SYT13: variants seen among roughly 807,000 people sequenced by gnomAD.
SYT13 encodes synaptotagmin 13.
A neutral mutation model predicts 38.6 loss-of-function variants in SYT13; 21 were observed. The observed-to-expected ratio is 0.54, with a 90% CI of 0.39 to 0.78. The LOEUF (loss-of-function observed/expected upper bound fraction) is 0.78. Among genes scored for constraint, SYT13 ranks in the 30% least tolerant of loss-of-function variants. SYT13 has a pLI of 0.00. For missense variants in SYT13, 495 were observed against 548.7 expected, an observed-to-expected ratio of 0.90 and a Z score of 0.98; for synonymous variants, 241 against 237.6, an observed-to-expected ratio of 1.01 and a Z score of -0.13.
Position 45,242,668 on chromosome 11 carries a change from T to A in SYT13, c.*1384A>T, listed in dbSNP as rs191986394. 1 of 152,178 alleles carries A rather than the reference T, an allele frequency of 6.6e-6. No homozygotes were observed. Among genetic ancestry groups the A allele is most frequent in the Admixed American group, 6.5e-5 (1 of 15,274 alleles). 9.4% of individuals were successfully genotyped at this position (152,178 alleles called of 1,614,324 possible). A position where few individuals can be genotyped will look rare whatever the true frequency, so the allele number is the denominator to read the frequency against. ...GAGAGTGCCTACAGGTTTTGAACACTATTTCATCTAGTATATCATTCATTG... is the reference window on the plus strand; with the variant it reads ...GAGAGTGCCTACAGGTTTTGAACACAATTTCATCTAGTATATCATTCATTG... On this transcript the variant is annotated 3_prime_UTR_variant, in exon 6 of 6. Coordinates refer to ENST00000020926, the MANE Select transcript of SYT13 (RefSeq NM_020826.3).
intron 1 of SYT13, among the ~76,000 whole-genome samples, chr11:45,266,199 G>T (rs550355967): frequency 3.0e-4 from 46 of 152,240 alleles, no homozygotes; most frequent in African/African-American, 1.1e-3. Context: ...CCAGAACTTG[G>T]CTGTGGACCT....
At chr11:45,268,296 T>C (rs542239697) in intron 1 of SYT13, among the ~76,000 whole-genome samples, 1 of 145,608 alleles carries the variant, frequency 6.9e-6, no homozygotes, top group South Asian at 2.1e-4. Flanking sequence ...TCCAGTGGGG[T>C]AGACAGCAAG....
intron 1 of SYT13, among the ~76,000 whole-genome samples, chr11:45,270,213 A>G (rs111433465): frequency 2.8e-4 from 42 of 152,360 alleles, no homozygotes; most frequent in Middle Eastern, 3.4e-3. Flanking sequence ...GAGTCTGTGT[A>G]TAGAAGCATC....
At position 45,254,301 on chromosome 11, in the gene SYT13, C is replaced by T. The variant is rs1854715288; in HGVS notation, c.513G>A (p.Gln171=). The change falls in exon 3 of 6, where the codon CAG becomes CAA. Residue 171 remains glutamine, a synonymous_variant. Coordinates refer to ENST00000020926, the MANE Select transcript of SYT13 (RefSeq NM_020826.3). ...KLHYCLDYDC[Q]KAELFVTRLE... is the part of the protein sequence containing the mutation. ...GGCGAGTCACAAACAATTCTGCCTT[C>T]TGACAGTCATAGTCCAGGCAGTAGT... 2 of 1,613,214 alleles carry T rather than the reference C, an allele frequency of 1.2e-6. No homozygotes were observed. Among genetic ancestry groups the T allele is most frequent in the Non-Finnish European group, 1.7e-6 (2 of 1,179,688 alleles).
intron 1 of SYT13, among the ~76,000 whole-genome samples, chr11:45,280,199 C>T (rs934267560): frequency 3.9e-5 from 6 of 152,124 alleles, no homozygotes; most frequent in South Asian, 4.1e-4. Context: ...TCAGAGAAGG[C>T]GTTGCTCTAG....
At chr11:45,280,646 C>T (rs1855060832) in intron 1 of SYT13, among the ~76,000 whole-genome samples, 1 of 152,206 alleles carries the variant, frequency 6.6e-6, no homozygotes, top group South Asian at 2.1e-4. Context: ...CTACCCGCTG[C>T]AGTCATTTCC....
At position 45,255,808 on chromosome 11, in the gene SYT13, C is replaced by T; in HGVS notation, c.267G>A (p.Val89=). ...FPDIYGPRPA[V]TAPEVINYAD... ...CATAGTTGATGACCTCTGGAGCCGT[C>T]ACAGCTGGCCTGGGTCCATAGATGT... Residue 89 remains valine, a synonymous_variant, in exon 2 of 6, where the codon GTG becomes GTA. Coordinates refer to ENST00000020926, the MANE Select transcript of SYT13 (RefSeq NM_020826.3). 1 of 1,614,178 alleles carries T rather than the reference C, an allele frequency of 6.2e-7. No homozygotes were observed. Among genetic ancestry groups the T allele is most frequent in the Non-Finnish European group, 8.5e-7 (1 of 1,180,046 alleles).
Position 45,252,650 on chromosome 11 carries a change from A to G in SYT13, c.617T>C (p.Val206Ala). 1.2e-6 allele frequency: 2 copies of G among 1,613,184 alleles called. No individual in the cohort carries two copies. Reference protein sequence around the residue: ...QGSVANRTGSVEAQTALKKRQ... With the variant: ...QGSVANRTGSAEAQTALKKRQ... Reference sequence around the variant, plus strand: ...CTTCTTTAGGGCTGTCTGAGCCTCCACAGAGCCGGTCCTATTGGCCACACT... The same window carrying G: ...CTTCTTTAGGGCTGTCTGAGCCTCCGCAGAGCCGGTCCTATTGGCCACACT... Residue 206 changes from valine to alanine, a missense_variant, in exon 4 of 6, where the codon GTG (valine) becomes GCG (alanine). Val to Ala is a moderately conservative substitution (Grantham distance 64). Transcript: ENST00000020926. This position sits in a 1 kb window ranked among gnomAD's most constrained non-coding sequence, Gnocchi z 4.3.
rs1855136005 is a variant in SYT13 at position 45,286,292 on chromosome 11, C to T, written c.-85G>A. The T allele has an allele frequency of 1.4e-6, 2 of 1,412,082 alleles. No homozygotes were observed. Among genetic ancestry groups the T allele is most frequent in the East Asian group, 2.7e-5 (1 of 37,406 alleles). 87.5% of individuals were successfully genotyped at this position (1,412,082 alleles called of 1,614,324 possible). A position where few individuals can be genotyped will look rare whatever the true frequency, so the allele number is the denominator to read the frequency against. ...CCGCCTCCAGGCAGCTCCCGGGATC[C>T]GGGCGAGCCAGCAGCTCTCCCGCCG... On this transcript the variant is annotated 5_prime_UTR_variant, in exon 1 of 6. Coordinates refer to ENST00000020926, the MANE Select transcript of SYT13 (RefSeq NM_020826.3).
intron 1 of SYT13, among the ~76,000 whole-genome samples, chr11:45,259,708 C>G (rs1486941188): frequency 6.6e-6 from 1 of 152,166 alleles, no homozygotes; most frequent in Non-Finnish European, 1.5e-5. Context: ...ATCTTGGTGA[C>G]TGATTCCCAG....
chr11:45,256,459 C>T (rs1854748591), intron 1 of SYT13, among the ~76,000 whole-genome samples: 1 of 152,172 alleles, frequency 6.6e-6, no homozygotes. Flanking sequence ...CCCAAACTGT[C>T]CACCCCTACC....
At chr11:45,253,389 C>A (rs530242321) in intron 3 of SYT13, among the ~76,000 whole-genome samples, 33 of 152,286 alleles carry the variant, frequency 2.2e-4, no homozygotes, top group Non-Finnish European at 3.7e-4. Flanking sequence ...TGATCTTTGA[C>A]AAGTCATATG....
intron 4 of SYT13, among the ~76,000 whole-genome samples, chr11:45,247,598 G>C (rs71491863): frequency 6.6e-6 from 1 of 152,168 alleles, no homozygotes; most frequent in Admixed American, 6.5e-5. Context: ...AACAGCCACC[G>C]TGACTCCCTA....
chr11:45,246,606 G>C, intron 4 of SYT13, 94 bp from the exon 5 acceptor site: 1 of 1,503,300 alleles, frequency 6.7e-7, no homozygotes, highest in Non-Finnish European at 8.9e-7. Flanking sequence ...TGCTGGATTT[G>C]CATCCAACAC....
intron 5 of SYT13, among the ~76,000 whole-genome samples, chr11:45,246,161 T>C (rs571903560): frequency 2.0e-5 from 3 of 152,282 alleles, no homozygotes; most frequent in Admixed American, 6.5e-5. Context: ...ATGGATGGGA[T>C]TGATCCAAGA....
In SYT13 at chr11:45,254,270, C is replaced by CT; in HGVS notation, c.543dup (p.Ala182SerfsTer11). The CT allele has an allele frequency of 6.2e-7, 1 of 1,609,016 alleles. No individual in the cohort carries two copies. The highest frequency in any genetic ancestry group is 1.1e-5 in the South Asian group (1 of 89,848). ...CACGAGAGTCAAATAAGAGCCATACCTTCCAGGCGAGTCACAAACAATTCT... is the reference window on the plus strand; with the variant it reads ...CACGAGAGTCAAATAAGAGCCATACCTTTCCAGGCGAGTCACAAACAATTCT... On this transcript the variant is annotated frameshift_variant and splice_region_variant, in exon 3 of 6. Coordinates refer to ENST00000020926, the MANE Select transcript of SYT13 (RefSeq NM_020826.3). LOFTEE classifies it high-confidence loss of function.
At position 45,255,777 on chromosome 11, in the gene SYT13, A is replaced by G. The variant is rs1854737866; in HGVS notation, c.298T>C (p.Tyr100His). 1.2e-6 allele frequency: 2 copies of G among 1,614,012 alleles called. No individual in the cohort carries two copies. The highest frequency in any genetic ancestry group is 1.7e-6 in the Non-Finnish European group (2 of 1,180,034). Residue 100 changes from tyrosine (Y) to histidine (H), a missense_variant, in exon 2 of 6, where the codon TAT becomes CAT. Transcript: ENST00000020926. The stretch of plus-strand genomic sequence containing the variant: ...GGCTCCTCCGTAGACCTCAGTGAAT[A>G]GTCTGCATAGTTGATGACCTCTGGA... Reference protein sequence around the residue: ...TAPEVINYADYSLRSTEEPTA... With the variant: ...TAPEVINYADHSLRSTEEPTA...
intron 5 of SYT13, 100 bp from the exon 6 acceptor site, chr11:45,244,456 A>G (rs1046594804): frequency 2.1e-6 from 3 of 1,398,356 alleles, no homozygotes; most frequent in Non-Finnish European, 2.9e-6. Flanking sequence ...CTGGTGCTGG[A>G]AAGATGCTCA....
intron 1 of SYT13, among the ~76,000 whole-genome samples, chr11:45,270,508 C>T (rs1165427793): frequency 1.3e-5 from 2 of 152,114 alleles, no homozygotes; most frequent in Admixed American, 6.5e-5. Flanking sequence ...ACTGCTATAA[C>T]CATTATTGTG....
Sources: gnomAD v4.1 joint callset for allele counts (sites outside exome capture counted in the v4.1 genomes callset) on GRCh38, gnomAD v4.1.1 for gene constraint, Gnocchi (gnomAD v3.1) non-coding constraint, MANE v1.5 for transcripts, NCBI Gene and HGNC (gene_info 2026-07-23, HGNC 2026-07-21) for gene names.